Variants in MYO9B observed in about 807,000 individuals in gnomAD.
The protein encoded by MYO9B is myosin IXB.
A neutral mutation model predicts 229.5 loss-of-function variants in MYO9B; 71 were observed. The observed-to-expected ratio is 0.31, with a 90% CI of 0.26 to 0.38. MYO9B has a LOEUF of 0.38. MYO9B is among the 10% of genes least tolerant of loss of function. The probability of loss-of-function intolerance (pLI) is 1.00; values close to 1 mark genes in which losing one functional copy is unlikely to be tolerated. For synonymous variants in MYO9B, 1,185 were observed against 1,235.8 expected, an observed-to-expected ratio of 0.96 and a Z score of 0.86; for missense variants, 2,255 against 2,920.5, an observed-to-expected ratio of 0.77 and a Z score of 5.25.
intron 7 of MYO9B, among the ~76,000 whole-genome samples, chr19:17,158,033 G>C (rs2072556270): frequency 6.6e-6 from 1 of 152,122 alleles, no homozygotes; most frequent in African/African-American, 2.4e-5. Flanking sequence ...CCATACTCTG[G>C]GTTGCTCCTG....
intron 1 of MYO9B, among the ~76,000 whole-genome samples, chr19:17,096,698 TGTTGTTGG>T (rs1457578206): frequency 3.6e-4 from 19 of 52,822 alleles, no homozygotes; most frequent in African/African-American, 1.5e-3. Flanking sequence ...TTGTTGTTGT[TGTTGTTGG>T]TTTTTTTTTT....
At chr19:17,083,026 CTTTTTT>C (rs71334657) in intron 1 of MYO9B, among the ~76,000 whole-genome samples, 1 of 90,920 alleles carries the variant, frequency 1.1e-5, no homozygotes, top group African/African-American at 4.4e-5. Flanking sequence ...GTGAATCTTG[CTTTTTT>C]TTTTTTTTTT....
At chr19:17,078,145 G>T (rs1188316016) in intron 1 of MYO9B, among the ~76,000 whole-genome samples, 1 of 152,178 alleles carries the variant, frequency 6.6e-6, no homozygotes, top group Non-Finnish European at 1.5e-5. Context: ...AGGGTTGATT[G>T]TGCCAGACAC....
chr19:17,133,003 C>T (rs750969793), intron 2 of MYO9B, among the ~76,000 whole-genome samples: 16 of 152,028 alleles, frequency 1.1e-4, no homozygotes, highest in Admixed American at 2.6e-4. Flanking sequence ...GCCGCCACCA[C>T]GCCCGGCTAA....
chr19:17,197,995 T>C (rs1348201738), intron 23 of MYO9B, 137 bp downstream of exon 23: 2 of 1,346,244 alleles, frequency 1.5e-6, no homozygotes, highest in Admixed American at 4.2e-5. Context: ...AGGGTAGAGG[T>C]TGTAGTGAGC....
At chr19:17,167,199 A>ACT (rs2072668562) in intron 10 of MYO9B, among the ~76,000 whole-genome samples, 1 of 134,636 alleles carries the variant, frequency 7.4e-6, no homozygotes, top group African/African-American at 2.8e-5. Flanking sequence ...AAAGTTTTGG[A>ACT]TTTTTTTTTT....
chr19:17,188,030 C>A lies in MYO9B; in HGVS notation c.2673C>A (p.Ala891=). 1 of 1,595,500 alleles carries A rather than the reference C, an allele frequency of 6.3e-7. No individual in the cohort carries two copies. The highest frequency in any genetic ancestry group is 8.5e-7 in the Non-Finnish European group (1 of 1,171,284). ...TVRIRRSGYS[A]KYTFQDFTEQ... is the part of the protein sequence containing the mutation. ...GCATCCGGAGGTCAGGGTACAGCGC[C>A]AAGTACACGTTCCAGGTAGGCCACA... The change falls in exon 19 of 40, where the codon GCC becomes GCA. Residue 891 remains alanine, a synonymous_variant. Coordinates refer to ENST00000682292, the MANE Select transcript of MYO9B (RefSeq NM_004145.4).
At chr19:17,124,787 C>T (rs10411952) in intron 2 of MYO9B, among the ~76,000 whole-genome samples, 73,145 of 147,376 alleles carry the variant, frequency 0.5, 18,107 homozygotes, top group Non-Finnish European at 0.5. Context: ...AAGGTACAAA[C>T]AGACCAAAAT....
At chr19:17,131,663 G>A (rs906116736) in intron 2 of MYO9B, among the ~76,000 whole-genome samples, 1 of 152,134 alleles carries the variant, frequency 6.6e-6, no homozygotes, top group Non-Finnish European at 1.5e-5. Context: ...TTGGAAGGCG[G>A]CCAGACTTCT....
At chr19:17,100,316 T>TA (rs1443170384) in intron 1 of MYO9B, among the ~76,000 whole-genome samples, 3 of 146,926 alleles carry the variant, frequency 2.0e-5, no homozygotes, top group Non-Finnish European at 4.5e-5. Flanking sequence ...CTTAAAAAAA[T>TA]ACAAAAATTA....
In MYO9B at chr19:17,102,266, G is replaced by A; in HGVS notation, c.549G>A (p.Leu183=). The A allele has an allele frequency of 6.2e-7, 1 of 1,614,008 alleles. No homozygotes were observed. The highest frequency in any genetic ancestry group is 8.5e-7 in the Non-Finnish European group (1 of 1,179,892). ...TCTACACGTACGCGGGGAGCATCCT[G>A]GTGGCCATCAACCCCTTTAAGTTCC... ...QKIYTYAGSI[L]VAINPFKFLP... The change falls in exon 2 of 40, where the codon CTG becomes CTA. Residue 183 remains leucine (L), a synonymous_variant. Coordinates refer to ENST00000682292, the MANE Select transcript of MYO9B (RefSeq NM_004145.4).
rs867166961 is a variant in MYO9B, at chr19:17,157,103, G to A, written c.1329+65G>A. ...AGGGCCGCTGGCTATCTCTCAGTACGAGGGACCATACCCAGAACTTCCTAC... is the reference window on the plus strand; with the variant it reads ...AGGGCCGCTGGCTATCTCTCAGTACAAGGGACCATACCCAGAACTTCCTAC... On this transcript the variant is annotated intron_variant, in intron 7 of 39. Transcript: ENST00000682292. 41 of 1,556,332 alleles carry A rather than the reference G, an allele frequency of 2.6e-5. No homozygotes were observed. The Middle Eastern group carries it at 1.5e-3, about 57-fold the overall frequency.
intron 35 of MYO9B, among the ~76,000 whole-genome samples, chr19:17,208,412 C>A (rs1298192831): frequency 6.7e-6 from 1 of 149,724 alleles, no homozygotes; most frequent in Non-Finnish European, 1.5e-5. Flanking sequence ...AATGAGCACA[C>A]CCCATTGTAC....
chr19:17,185,105 G>T, intron 17 of MYO9B, 118 bp downstream of exon 17: 1 of 1,457,150 alleles, frequency 6.9e-7, no homozygotes, highest in Admixed American at 1.8e-5. Flanking sequence ...GCCGGGCGCG[G>T]TGGCTCAAGC....
chr19:17,161,771 G>A (rs960488310), intron 8 of MYO9B, among the ~76,000 whole-genome samples: 17 of 151,774 alleles, frequency 1.1e-4, no homozygotes, highest in African/African-American at 3.9e-4. Flanking sequence ...AGCCAAGACT[G>A]TGTCACTGTA....
At position 17,088,101 on chromosome 19, in the gene MYO9B, A is replaced by G. The variant is rs371240000; in HGVS notation, c.-59+12227A>G. ...GGCAACAGAGCAAGAGTCCATCTCA[A>G]AAAAGGTGTCAGCAGGACCACACTC... On this transcript the variant is annotated intron_variant, in intron 1 of 39. Transcript: ENST00000682292. Among the ~76,000 whole-genome samples the G allele has an allele frequency of 5.8e-4, 89 of 152,264 alleles. No individual in the cohort carries two copies. The South Asian group carries it at 0.013, about 22-fold the overall frequency.
At chr19:17,088,664 A>G (rs1430598710) in intron 1 of MYO9B, among the ~76,000 whole-genome samples, 2 of 152,062 alleles carry the variant, frequency 1.3e-5, no homozygotes, top group Admixed American at 6.6e-5. Flanking sequence ...AAGCAGCCCC[A>G]CTTACTTTGT....
intron 22 of MYO9B, 49 bp from the exon 23 acceptor site, chr19:17,197,743 C>T (rs1486343401): frequency 8.8e-6 from 14 of 1,593,308 alleles, no homozygotes; most frequent in Non-Finnish European, 1.2e-5. Flanking sequence ...CAAGAAAATG[C>T]CACTGACTCA....
chr19:17,143,201 T>C lies in MYO9B; in HGVS notation c.841-2196T>C, dbSNP rs184839334. ...TTGCCGTGAGCTGAGATCGTGCCAT[T>C]GTACCCCAGCCTGGCAACAGAACAA... On this transcript the variant is annotated intron_variant, in intron 2 of 39. Transcript: ENST00000682292. 1.8e-3 allele frequency among the ~76,000 whole-genome samples: 267 copies of C among 151,682 alleles called. 1 individual carries two copies. The highest frequency in any genetic ancestry group is 6.2e-3 in the African/African-American group (255 of 41,260).
Sources: gnomAD v4.1 joint callset for allele counts (sites outside exome capture counted in the v4.1 genomes callset) on GRCh38, gnomAD v4.1.1 for gene constraint, MANE v1.5 for transcripts, NCBI Gene and HGNC (gene_info 2026-07-23, HGNC 2026-07-21) for gene names.